DLG2: variants seen among roughly 807,000 people sequenced by gnomAD.
DLG2 encodes the protein discs large MAGUK scaffold protein 2.
DLG2 carries 45 observed loss-of-function variants against 132.5 expected under a neutral mutation model. That is an observed-to-expected ratio of 0.34 (90% CI 0.27 to 0.44). The LOEUF is 0.44. Among genes scored for constraint, DLG2 ranks in the 20% least tolerant of loss-of-function variants. The pLI is 1.00. For synonymous variants in DLG2, 424 were observed against 419.6 expected (o/e 1.01, Z -0.13); for missense variants, 1,045 against 1,196.9 (o/e 0.87, Z 1.87).
rs571237219 is a variant in DLG2, at chr11:85,064,074, G to T, written c.357+47587C>A. On this transcript the variant is annotated intron_variant, in intron 6 of 27. Coordinates refer to ENST00000376104, the MANE Select transcript of DLG2 (RefSeq NM_001142699.3). ...ATGTTTGTTAAAAAACAAATACGAG[G>T]ACAAAACTGAATGTCTGTCATATAA... Among the ~76,000 whole-genome samples, 6 of 151,828 alleles carry T rather than the reference G, an allele frequency of 4.0e-5. No homozygotes were observed. In the South Asian group the frequency reaches 1.2e-3, roughly 32 times the overall value.
intron 16 of DLG2, among the ~76,000 whole-genome samples, chr11:83,861,139 C>T (rs2061390283): frequency 6.6e-6 from 1 of 152,138 alleles, no homozygotes; most frequent in African/African-American, 2.4e-5. Context: ...TGCTTAACAT[C>T]ACTGAGCATC....
intron 22 of DLG2, chr11:83,480,384 C>G: frequency 3.3e-6 from 5 of 1,535,360 alleles, no homozygotes; most frequent in Non-Finnish European, 4.4e-6. Flanking sequence ...TAGCTACTTT[C>G]GCTATCGCTG....
chr11:84,751,466 A>G (rs1008044642), intron 6 of DLG2, among the ~76,000 whole-genome samples: 12 of 152,142 alleles, frequency 7.9e-5, no homozygotes, highest in Non-Finnish European at 1.6e-4. Context: ...GCCAGGTACA[A>G]ACCAAAAAAA....
chr11:85,309,246 C>G (rs929840780), intron 3 of DLG2, among the ~76,000 whole-genome samples: 3 of 152,090 alleles, frequency 2.0e-5, no homozygotes, highest in Non-Finnish European at 4.4e-5. Context: ...CAAGACCTCC[C>G]AACCAATCTA....
At chr11:84,250,945 G>A (rs1388451961) in intron 8 of DLG2, among the ~76,000 whole-genome samples, 2 of 152,136 alleles carry the variant, frequency 1.3e-5, no homozygotes, top group Non-Finnish European at 2.9e-5. Flanking sequence ...TAGTGTCTAT[G>A]AGCAATTCAG....
chr11:85,442,089 G>T (rs2091808625), intron 3 of DLG2, among the ~76,000 whole-genome samples: 3 of 152,036 alleles, frequency 2.0e-5, no homozygotes, highest in South Asian at 2.1e-4. Context: ...GAAATAAGTG[G>T]CAGGAGATGA....
intron 6 of DLG2, among the ~76,000 whole-genome samples, chr11:85,060,555 A>T (rs592063): frequency 0.4 from 60,584 of 150,656 alleles, 12,848 homozygotes; most frequent in East Asian, 0.68. Context: ...ACATATATAT[A>T]ACATTTTCTT....
At chr11:85,083,451 C>T (rs760795586) in intron 6 of DLG2, among the ~76,000 whole-genome samples, 18 of 152,058 alleles carry the variant, frequency 1.2e-4, no homozygotes, top group Non-Finnish European at 2.4e-4. Flanking sequence ...TTTATTGTGC[C>T]AAGGTTAAGG....
chr11:85,068,861 A>T (rs1371804613), intron 6 of DLG2, among the ~76,000 whole-genome samples: 1 of 152,212 alleles, frequency 6.6e-6, no homozygotes, highest in Non-Finnish European at 1.5e-5. Context: ...CTAAGCCAAA[A>T]GAACAAAGCT....
chr11:84,229,896 A>G (rs1430898756), intron 8 of DLG2, among the ~76,000 whole-genome samples: 3 of 152,372 alleles, frequency 2.0e-5, no homozygotes, highest in African/African-American at 7.2e-5. Context: ...TAAGCACTCA[A>G]TAAATATAAA....
chr11:84,486,337 T>G (rs2099150794), intron 7 of DLG2, among the ~76,000 whole-genome samples: 1 of 152,160 alleles, frequency 6.6e-6, no homozygotes, highest in Non-Finnish European at 1.5e-5. Context: ...CAGAGTGGGT[T>G]AGGTTTTGGT....
At chr11:85,375,697 T>C (rs1386371509) in intron 3 of DLG2, among the ~76,000 whole-genome samples, 1 of 152,254 alleles carries the variant, frequency 6.6e-6, no homozygotes, top group African/African-American at 2.4e-5. Context: ...GTCACTGATC[T>C]AATTGTTTAA....
At chr11:83,804,512 T>G (rs1352149894) in intron 17 of DLG2, among the ~76,000 whole-genome samples, 1 of 150,616 alleles carries the variant, frequency 6.6e-6, no homozygotes, top group Non-Finnish European at 1.5e-5. Flanking sequence ...AACATTTTGG[T>G]ACATTTGTTC....
chr11:83,810,364 T>C (rs2046949971), intron 17 of DLG2, among the ~76,000 whole-genome samples: 1 of 152,126 alleles, frequency 6.6e-6, no homozygotes, highest in Non-Finnish European at 1.5e-5. Flanking sequence ...TGTGTGTGTA[T>C]GTATACATGT....
rs1230289384 is a variant in DLG2 at position 84,168,810 on chromosome 11, AACACACACACACACATACACACACAC to A, written c.574-5325_574-5300del. The stretch of plus-strand genomic sequence containing the variant: ...CCACCATCAAATGCCACAGCAAATC[AACACACACACACACATACACACACAC>A]ACACACACACACACAAACACACACA... On this transcript the variant is annotated intron_variant, in intron 8 of 27. Transcript: ENST00000376104. 2.4e-3 allele frequency among the ~76,000 whole-genome samples: 273 copies of A among 115,894 alleles called. 1 individual carries two copies. The highest frequency in any genetic ancestry group is 4.6e-3 in the Middle Eastern group (1 of 216). 76.0% of individuals were successfully genotyped at this position (115,894 alleles called of 152,430 possible). A position where few individuals can be genotyped will look rare whatever the true frequency, so the allele number is the denominator to read the frequency against.
intron 19 of DLG2, among the ~76,000 whole-genome samples, chr11:83,562,928 GAGTTGGCAGTAA>G (rs1225326059): frequency 1.3e-5 from 2 of 150,952 alleles, no homozygotes; most frequent in Non-Finnish European, 2.9e-5. Flanking sequence ...TGCACATGGG[GAGTTGGCAGTAA>G]TGTTTCTGTT....
At chr11:84,966,276 A>G (rs1007403250) in intron 6 of DLG2, among the ~76,000 whole-genome samples, 3 of 152,030 alleles carry the variant, frequency 2.0e-5, no homozygotes, top group African/African-American at 7.2e-5. Flanking sequence ...TACCCCAGTT[A>G]GTATTACAGT....
At chr11:84,735,975 G>A (rs1483375164) in intron 6 of DLG2, among the ~76,000 whole-genome samples, 1 of 151,728 alleles carries the variant, frequency 6.6e-6, no homozygotes, top group Non-Finnish European at 1.5e-5. Flanking sequence ...TAAGAAATCT[G>A]TTTAACCCAA....
intron 18 of DLG2, among the ~76,000 whole-genome samples, chr11:83,688,836 C>T (rs1283021068): frequency 6.6e-6 from 1 of 152,076 alleles, no homozygotes; most frequent in Non-Finnish European, 1.5e-5. Flanking sequence ...TGGGGACCAC[C>T]AATTTGTCCT....
Sources: allele counts gnomAD v4.1 joint callset (sites outside exome capture counted in the v4.1 genomes callset), GRCh38; gene constraint gnomAD v4.1.1; transcripts MANE v1.5; gene names NCBI Gene and HGNC (gene_info 2026-07-23, HGNC 2026-07-21).